CNBD2: variants seen among roughly 807,000 people sequenced by gnomAD.
CNBD2 encodes the protein cyclic nucleotide-binding domain-containing protein 2.
CNBD2 carries 64 observed loss-of-function variants against 63.7 expected under a neutral mutation model. That is an observed-to-expected ratio of 1.00 (90% CI 0.82 to 1.24). The LOEUF (loss-of-function observed/expected upper bound fraction) is 1.24. CNBD2 is among the 50% of genes most tolerant of loss of function. The pLI, the probability that CNBD2 is intolerant of heterozygous loss-of-function variation, is 0.00. For synonymous variants in CNBD2, 229 were observed against 255.4 expected, an observed-to-expected ratio of 0.90 and a Z score of 0.99; for missense variants, 691 against 713.5, an observed-to-expected ratio of 0.97 and a Z score of 0.36.
chr20:35,955,670 A>G (rs2056249182), downstream of CNBD2, among the ~76,000 whole-genome samples: 1 of 152,184 alleles, frequency 6.6e-6, no homozygotes, highest in African/African-American at 2.4e-5. Flanking sequence ...CTCAGAGGTA[A>G]TTGAGAATTC....
chr20:35,984,603 G>T (rs1450822155), intron 5 of CNBD2, 24 bp from the exon 6 acceptor site: 1 of 1,610,944 alleles, frequency 6.2e-7, no homozygotes, highest in African/African-American at 1.3e-5. Context: ...CCTCACACTT[G>T]CCCTTGCCCT....
chr20:35,974,233 GC>G lies in CNBD2; in HGVS notation c.189+1470del, dbSNP rs1435312267. 4.6e-5 allele frequency: 7 copies of G among 153,740 alleles called. No homozygotes were observed. In the Admixed American group the frequency reaches 4.6e-4, roughly 10 times the overall value. 9.5% of individuals were successfully genotyped at this position (153,740 alleles called of 1,614,324 possible). A position where few individuals can be genotyped will look rare whatever the true frequency, so the allele number is the denominator to read the frequency against. ...GCTGGCCAAACCAAACAAGGCTGCA[GC>G]CCTGTGGTTGGGCTGAGATGAAAAA... On this transcript the variant is annotated intron_variant, in intron 2 of 11. Coordinates refer to ENST00000373973, the MANE Select transcript of CNBD2 (RefSeq NM_001365709.1).
upstream of CNBD2, among the ~76,000 whole-genome samples, chr20:35,964,616 C>T (rs111323669): frequency 0.02 from 3,096 of 151,214 alleles, 92 homozygotes; most frequent in African/African-American, 0.07. Context: ...AGGATGGTCT[C>T]GATCTCCTGA....
chr20:35,971,781 T>C (rs2056422101), intron 1 of CNBD2, among the ~76,000 whole-genome samples: 2 of 152,166 alleles, frequency 1.3e-5, no homozygotes, highest in South Asian at 4.1e-4. Context: ...CATTGGTATG[T>C]CTCTTGAATC....
intron 8 of CNBD2, among the ~76,000 whole-genome samples, chr20:36,002,389 AAGAGGG>A (rs759705325): frequency 1.3e-5 from 2 of 152,130 alleles, no homozygotes; most frequent in African/African-American, 2.4e-5. Flanking sequence ...AAACCGTGGA[AAGAGGG>A]AGAGGGAGAG....
At chr20:36,008,592 A>G in intron 9 of CNBD2, 118 bp downstream of exon 9, 2 of 1,013,184 alleles carry the variant, frequency 2.0e-6, no homozygotes, top group South Asian at 3.5e-5. Context: ...ACACAGGTCA[A>G]TCCCAAAGGA....
intron 11 of CNBD2, among the ~76,000 whole-genome samples, chr20:36,026,738 C>T (rs1162446794): frequency 6.6e-6 from 1 of 152,226 alleles, no homozygotes; most frequent in Non-Finnish European, 1.5e-5. Flanking sequence ...CTCTAAGATT[C>T]ATCTTCTGCA....
chr20:35,970,381 CT>C (rs1192512363), intron 1 of CNBD2, among the ~76,000 whole-genome samples: 1 of 152,046 alleles, frequency 6.6e-6, no homozygotes, highest in Non-Finnish European at 1.5e-5. Flanking sequence ...AGAACATTCT[CT>C]TTTTTCCTTT....
intron 11 of CNBD2, among the ~76,000 whole-genome samples, chr20:36,024,490 A>G (rs2057259615): frequency 6.6e-6 from 1 of 151,418 alleles, no homozygotes; most frequent in African/African-American, 2.4e-5. Context: ...TTAGCCAGGC[A>G]TGGTAGTGGG....
At chr20:36,001,790 C>G (rs1334811612) in intron 8 of CNBD2, among the ~76,000 whole-genome samples, 4 of 150,322 alleles carry the variant, frequency 2.7e-5, no homozygotes, top group South Asian at 2.1e-4. Context: ...CCCCACATCT[C>G]AGACGATGGG....
At chr20:35,991,955 A>G (rs1367760075) in intron 7 of CNBD2, among the ~76,000 whole-genome samples, 1 of 151,540 alleles carries the variant, frequency 6.6e-6, no homozygotes, top group African/African-American at 2.4e-5. Flanking sequence ...ATCTTGGCTC[A>G]CTGCAACCTC....
chr20:35,991,070 G>A (rs1236643544), intron 7 of CNBD2, among the ~76,000 whole-genome samples: 1 of 152,196 alleles, frequency 6.6e-6, no homozygotes, highest in Non-Finnish European at 1.5e-5. Flanking sequence ...ATTTATGTGA[G>A]GGTGAGAAAT....
intron 2 of CNBD2, among the ~76,000 whole-genome samples, chr20:35,975,589 C>T (rs71351005): frequency 2.6e-5 from 4 of 152,220 alleles, no homozygotes; most frequent in Middle Eastern, 3.4e-3. Flanking sequence ...CGTGAGCCAC[C>T]GCGCCCAGCC....
At chr20:35,985,413 A>T (rs1461603264) in intron 6 of CNBD2, among the ~76,000 whole-genome samples, 1 of 151,284 alleles carries the variant, frequency 6.6e-6, no homozygotes, top group Non-Finnish European at 1.5e-5. Context: ...TGATCCTGCC[A>T]CTTTGGCCTC....
At chr20:35,957,566 T>A (rs1026552258), downstream of CNBD2, among the ~76,000 whole-genome samples, 1 of 151,986 alleles carries the variant, frequency 6.6e-6, no homozygotes, top group Non-Finnish European at 1.5e-5. Flanking sequence ...ACATTCAGAT[T>A]CCCAGAATCT....
intron 2 of CNBD2, among the ~76,000 whole-genome samples, chr20:35,962,748 T>C (rs1266170611): frequency 1.3e-5 from 2 of 152,246 alleles, no homozygotes; most frequent in Non-Finnish European, 2.9e-5. Flanking sequence ...TGATATGTTA[T>C]TTTTACAGGT....
intron 8 of CNBD2, among the ~76,000 whole-genome samples, chr20:35,998,928 G>A (rs1475286693): frequency 6.8e-6 from 1 of 147,084 alleles, no homozygotes; most frequent in Non-Finnish European, 1.5e-5. Flanking sequence ...AAAATCTCCA[G>A]CCATAATTAT....
rs1254067052 is a variant in CNBD2, at chr20:36,030,615, A to G, written c.1698A>G (p.Ala566=). The change falls in exon 12 of 12, where the codon GCA becomes GCG. Residue 566 remains alanine, a synonymous_variant. Coordinates refer to ENST00000373973, the MANE Select transcript of CNBD2 (RefSeq NM_001365709.1). ...TGAGGATTGTCCAAGCCATCAAAGC[A>G]CCTCGGTACAAAATCCGAGAACTCT... The part of the protein sequence containing the change: ...PPLRIVQAIK[A]PRYKIRELLA 1 of 1,614,182 alleles carries G rather than the reference A, an allele frequency of 6.2e-7. No homozygotes were observed. Among genetic ancestry groups the G allele is most frequent in the Non-Finnish European group, 8.5e-7 (1 of 1,180,046 alleles).
At chr20:36,017,741 G>A (rs1254314053) in intron 10 of CNBD2, among the ~76,000 whole-genome samples, 1 of 152,054 alleles carries the variant, frequency 6.6e-6, no homozygotes, top group African/African-American at 2.4e-5. Flanking sequence ...TCATATTCAC[G>A]CAGAGTGGCC....
Sources: gnomAD v4.1 joint callset for allele counts (sites outside exome capture counted in the v4.1 genomes callset) on GRCh38, gnomAD v4.1.1 for gene constraint, MANE v1.5 for transcripts, NCBI Gene and HGNC (gene_info 2026-07-23, HGNC 2026-07-21) for gene names.